SPOCK1: variants seen among roughly 807,000 people sequenced by gnomAD.
SPOCK1 encodes SPARC (osteonectin), cwcv and kazal like domains proteoglycan 1, also known as testican-1.
A neutral mutation model predicts 55.3 loss-of-function variants in SPOCK1; 23 were observed. That is an observed-to-expected ratio of 0.42 (90% CI 0.30 to 0.59). The LOEUF (loss-of-function observed/expected upper bound fraction) is 0.59. Among genes scored for constraint, SPOCK1 ranks in the 20% least tolerant of loss-of-function variants. The pLI, the probability that SPOCK1 is intolerant of heterozygous loss-of-function variation, is 0.22. For synonymous variants in SPOCK1, 226 were observed against 221.0 expected (o/e 1.02, Z -0.20); for missense variants, 499 against 552.5 (o/e 0.90, Z 0.97).
chr5:137,287,406 C>T (rs1757290929), intron 2 of SPOCK1, among the ~76,000 whole-genome samples: 1 of 152,328 alleles, frequency 6.6e-6, no homozygotes, highest in Middle Eastern at 3.4e-3. Context: ...GACTTCCTTG[C>T]AGTGACAATG....
intron 3 of SPOCK1, among the ~76,000 whole-genome samples, chr5:137,244,102 A>G (rs1053089760): frequency 7.9e-5 from 12 of 152,246 alleles, no homozygotes; most frequent in African/African-American, 2.9e-4. Context: ...TTCAGTGAGT[A>G]TAAAAAATGT....
intron 2 of SPOCK1, among the ~76,000 whole-genome samples, chr5:137,478,007 C>G (rs1475469773): frequency 6.6e-6 from 1 of 152,206 alleles, no homozygotes; most frequent in African/African-American, 2.4e-5. Context: ...TGAAGTTCCC[C>G]TTCTTTTCCT....
intron 4 of SPOCK1, 145 bp downstream of exon 4, chr5:137,140,435 A>C (rs1160908313): frequency 3.5e-6 from 2 of 569,834 alleles, no homozygotes; most frequent in Non-Finnish European, 6.2e-6. Flanking sequence ...TCATAGTCAG[A>C]GTACAGGCAC....
At chr5:137,251,504 A>T (rs1439204254) in intron 3 of SPOCK1, among the ~76,000 whole-genome samples, 2 of 152,200 alleles carry the variant, frequency 1.3e-5, no homozygotes, top group African/African-American at 2.4e-5. Flanking sequence ...AGAAAGCCAC[A>T]TCAGATTATT....
At chr5:137,016,326 C>T (rs941645873) in intron 6 of SPOCK1, among the ~76,000 whole-genome samples, 7 of 152,168 alleles carry the variant, frequency 4.6e-5, no homozygotes, top group Middle Eastern at 3.2e-3. Flanking sequence ...CATGCAATAC[C>T]GCAAGCACGA....
intron 6 of SPOCK1, among the ~76,000 whole-genome samples, chr5:137,041,822 CA>C (rs1299765148): frequency 2.0e-5 from 3 of 152,128 alleles, no homozygotes; most frequent in African/African-American, 7.2e-5. Context: ...GGCAATCATG[CA>C]AAGCAACAGA....
At chr5:137,076,917 T>C (rs186565538) in intron 5 of SPOCK1, among the ~76,000 whole-genome samples, 131 of 151,972 alleles carry the variant, frequency 8.6e-4, no homozygotes, top group Middle Eastern at 3.4e-3. Flanking sequence ...GGTGAGTAAG[T>C]AGCAGATTTA....
Position 137,429,399 on chromosome 5 carries a change from ACTTTC to A in SPOCK1, c.186+68969_186+68973del, listed in dbSNP as rs1752698234. Among the ~76,000 whole-genome samples the A allele has an allele frequency of 5.3e-5, 8 of 152,320 alleles. No individual in the cohort carries two copies. In the South Asian group the frequency reaches 1.7e-3, roughly 32 times the overall value. On this transcript the variant is annotated intron_variant, in intron 2 of 10. Transcript: ENST00000394945. Reference sequence around the variant, plus strand: ...CTCATTACATAATACATTATATTATACTTTCCTTTACAGCACTTACCACCACTGTA... The same window carrying A: ...CTCATTACATAATACATTATATTATACTTTACAGCACTTACCACCACTGTA...
intron 3 of SPOCK1, among the ~76,000 whole-genome samples, chr5:137,163,879 C>CAA (rs1754603347): frequency 6.6e-6 from 1 of 152,204 alleles, no homozygotes; most frequent in Non-Finnish European, 1.5e-5. Flanking sequence ...TCATATCATA[C>CAA]AAACACCTAT....
At chr5:137,079,503 T>C (rs7708798) in intron 5 of SPOCK1, among the ~76,000 whole-genome samples, 21,341 of 150,048 alleles carry the variant, frequency 0.14, 2,101 homozygotes, top group East Asian at 0.37. Flanking sequence ...ATGGAAAGCT[T>C]TGACTGTCTC....
At position 136,975,774 on chromosome 5, in the gene SPOCK1, T is replaced by C. The variant is rs1454317222; in HGVS notation, c.*2880A>G. On this transcript the variant is annotated 3_prime_UTR_variant, in exon 11 of 11. Coordinates refer to ENST00000394945, the MANE Select transcript of SPOCK1 (RefSeq NM_004598.4). Reference sequence around the variant, plus strand: ...AATCTCCAACTCAGTATTAAGGTATTCTCATGCCTAGAATATTGGTAGAAA... The same window carrying C: ...AATCTCCAACTCAGTATTAAGGTATCCTCATGCCTAGAATATTGGTAGAAA... The C allele has an allele frequency of 6.6e-6, 1 of 152,158 alleles. No homozygotes were observed. Among genetic ancestry groups the C allele is most frequent in the African/African-American group, 2.4e-5 (1 of 41,438 alleles). 9.4% of individuals were successfully genotyped at this position (152,158 alleles called of 1,614,324 possible).
At chr5:137,242,737 C>A (rs555830192) in intron 3 of SPOCK1, among the ~76,000 whole-genome samples, 1 of 152,144 alleles carries the variant, frequency 6.6e-6, no homozygotes, top group South Asian at 2.1e-4. Context: ...AACCCTGTAC[C>A]CCCAACCCCC....
intron 3 of SPOCK1, among the ~76,000 whole-genome samples, chr5:137,160,593 A>AATATATTATATATAAT (rs1754523242): frequency 7.0e-5 from 5 of 71,010 alleles, no homozygotes; most frequent in Non-Finnish European, 1.3e-4. Context: ...TATAATATAT[A>AATATATTATATATAAT]ATATATTATA....
At chr5:137,031,398 T>C (rs181405256) in intron 6 of SPOCK1, among the ~76,000 whole-genome samples, 74 of 152,316 alleles carry the variant, frequency 4.9e-4, no homozygotes, top group African/African-American at 1.7e-3. Context: ...AAACAGCAAA[T>C]GTAATTATGC....
At chr5:137,128,044 TGGAG>T (rs1484306880) in intron 4 of SPOCK1, among the ~76,000 whole-genome samples, 1 of 152,196 alleles carries the variant, frequency 6.6e-6, no homozygotes, top group Non-Finnish European at 1.5e-5. Flanking sequence ...TGAGGGTATT[TGGAG>T]GTGAAGCCTT....
chr5:137,371,859 T>C (rs749872395), intron 2 of SPOCK1, among the ~76,000 whole-genome samples: 4 of 152,066 alleles, frequency 2.6e-5, no homozygotes, highest in Non-Finnish European at 5.9e-5. Context: ...CAGCAACCCA[T>C]GAAGAAGGAA....
chr5:137,186,369 G>A (rs2127067393), intron 3 of SPOCK1, among the ~76,000 whole-genome samples: 1 of 152,266 alleles, frequency 6.6e-6, no homozygotes, highest in East Asian at 1.9e-4. Flanking sequence ...TGCATCAATG[G>A]CTAGACAGTG....
At chr5:137,190,867 T>A (rs1431678357) in intron 3 of SPOCK1, among the ~76,000 whole-genome samples, 1 of 152,186 alleles carries the variant, frequency 6.6e-6, no homozygotes, top group Non-Finnish European at 1.5e-5. Context: ...TGCTGTCTAA[T>A]CCAGACACTG....
At chr5:137,220,452 T>G (rs13359979) in intron 3 of SPOCK1, among the ~76,000 whole-genome samples, 11,508 of 152,220 alleles carry the variant, frequency 0.076, 792 homozygotes, top group African/African-American at 0.18. Flanking sequence ...GAACTGTACT[T>G]TACATGGATT....
Sources: allele counts gnomAD v4.1 joint callset (sites outside exome capture counted in the v4.1 genomes callset), GRCh38; gene constraint gnomAD v4.1.1; transcripts MANE v1.5; gene names NCBI Gene and HGNC (gene_info 2026-07-23, HGNC 2026-07-21).